Variants in SEMA5B observed in about 807,000 individuals in gnomAD.
SEMA5B encodes the protein semaphorin 5B.
In SEMA5B, 66 loss-of-function variants were observed where a neutral mutation model predicts 135.0. The observed-to-expected ratio is 0.49, with a 90% CI of 0.40 to 0.60. The LOEUF (loss-of-function observed/expected upper bound fraction) is 0.60, where lower values mean the gene tolerates loss of function less well. SEMA5B is among the 20% of genes least tolerant of loss of function. The pLI, the probability that SEMA5B is intolerant of heterozygous loss-of-function variation, is 0.00. For synonymous variants in SEMA5B, 690 were observed against 639.5 expected, an observed-to-expected ratio of 1.08 and a Z score of -1.19; for missense variants, 1,501 against 1,566.3, an observed-to-expected ratio of 0.96 and a Z score of 0.70.
chr3:122,947,905 T>G (rs934306656), intron 3 of SEMA5B, among the ~76,000 whole-genome samples: 12 of 152,128 alleles, frequency 7.9e-5, no homozygotes, highest in African/African-American at 4.8e-5. Context: ...TGTTTTGTTT[T>G]TTTTTAGCAA....
At chr3:123,002,512 C>A (rs539009547) in intron 1 of SEMA5B, among the ~76,000 whole-genome samples, 1 of 152,298 alleles carries the variant, frequency 6.6e-6, no homozygotes, top group East Asian at 1.9e-4. Context: ...CGAAAACAAC[C>A]CAATTTGAAG....
In SEMA5B at chr3:122,929,026, G is replaced by A. The variant is rs1938805866; in HGVS notation, c.507C>T (p.Arg169=). 6 of 1,612,368 alleles carry A rather than the reference G, an allele frequency of 3.7e-6. No individual in the cohort carries two copies. The highest frequency in any genetic ancestry group is 1.3e-5 in the African/African-American group (1 of 75,040). Reference sequence around the variant, plus strand: ...TCTTCCCTTTGCTTTGGCAGGAGCGGCGCGTGTCCTCACTGGAGGCCCACT... The same window carrying A: ...TCTTCCCTTTGCTTTGGCAGGAGCGACGCGTGTCCTCACTGGAGGCCCACT... ...ATEWASSEDT[R]RSCQSKGKTE... is the part of the protein sequence containing the mutation. Residue 169 remains arginine (R), a synonymous_variant, in exon 6 of 23, where the codon CGC becomes CGT. Transcript: ENST00000357599.
At chr3:122,999,569 T>C (rs1942120794) in intron 1 of SEMA5B, among the ~76,000 whole-genome samples, 1 of 151,610 alleles carries the variant, frequency 6.6e-6, no homozygotes, top group Admixed American at 6.6e-5. Context: ...GATAACGACA[T>C]CTGTACCTGA....
chr3:122,978,729 G>A (rs1941420813), intron 1 of SEMA5B, among the ~76,000 whole-genome samples: 1 of 152,096 alleles, frequency 6.6e-6, no homozygotes, highest in Admixed American at 6.5e-5. Context: ...TGTCAGAAGA[G>A]GCATTCATCC....
chr3:123,026,096 A>AGG (rs1292552517), intron 1 of SEMA5B, among the ~76,000 whole-genome samples: 5 of 152,170 alleles, frequency 3.3e-5, no homozygotes. Flanking sequence ...AGAGGCCCCG[A>AGG]GGCCGAAGTG....
intron 1 of SEMA5B, among the ~76,000 whole-genome samples, chr3:122,973,949 T>C (rs1576381232): frequency 6.6e-6 from 1 of 152,166 alleles, no homozygotes; most frequent in Admixed American, 6.5e-5. Flanking sequence ...TGCCTGAACT[T>C]CCAGAACATA....
chr3:122,943,210 G>A (rs1422038019), intron 4 of SEMA5B, among the ~76,000 whole-genome samples: 1 of 152,156 alleles, frequency 6.6e-6, no homozygotes, highest in Non-Finnish European at 1.5e-5. Flanking sequence ...CAACCACAGG[G>A]GCCTGCAGCT....
At chr3:122,935,648 G>A (rs1939227577) in intron 5 of SEMA5B, among the ~76,000 whole-genome samples, 4 of 140,104 alleles carry the variant, frequency 2.9e-5, no homozygotes, top group African/African-American at 7.8e-5. Context: ...TCTGCAAGCC[G>A]ACCTGCTCTA....
At chr3:122,999,164 G>C (rs1486507047) in intron 1 of SEMA5B, among the ~76,000 whole-genome samples, 2 of 152,164 alleles carry the variant, frequency 1.3e-5, no homozygotes, top group Non-Finnish European at 2.9e-5. Flanking sequence ...ATTTCCCAAA[G>C]CAGTAATTTA....
intron 1 of SEMA5B, among the ~76,000 whole-genome samples, chr3:122,974,557 G>C (rs533145420): frequency 6.6e-6 from 1 of 152,198 alleles, no homozygotes; most frequent in African/African-American, 2.4e-5. Context: ...GCAGGGACAC[G>C]TGCCTGAGGA....
intron 1 of SEMA5B, among the ~76,000 whole-genome samples, chr3:122,966,374 C>G (rs367574490): frequency 6.6e-6 from 1 of 152,088 alleles, no homozygotes; most frequent in South Asian, 2.1e-4. Flanking sequence ...AGAGCCCCTC[C>G]TAAAAAGAAT....
intron 10 of SEMA5B, 128 bp downstream of exon 10, chr3:122,923,489 G>T: frequency 1.9e-6 from 2 of 1,028,080 alleles, no homozygotes; most frequent in Non-Finnish European, 1.5e-6. Flanking sequence ...GGACCCCAGA[G>T]ATGGGCATGG....
intron 2 of SEMA5B, among the ~76,000 whole-genome samples, chr3:122,959,782 G>C (rs973835393): frequency 7.2e-5 from 11 of 152,214 alleles, no homozygotes; most frequent in Non-Finnish European, 1.6e-4. Flanking sequence ...AGCATGTTTG[G>C]TTCTTGCCTT....
chr3:123,002,336 T>C (rs562985191), intron 1 of SEMA5B, among the ~76,000 whole-genome samples: 1 of 152,332 alleles, frequency 6.6e-6, no homozygotes, highest in Non-Finnish European at 1.5e-5. Flanking sequence ...GGAGAACCCA[T>C]GCATTCCCTC....
At position 122,943,546 on chromosome 3, in the gene SEMA5B, G is replaced by C. The variant is rs762717460; in HGVS notation, c.329-11C>G. ...CCCACGGCTGCAGGTCTGGTGGAGGGAGAGGCAACCCTGTGGTTACTGTTG... is the reference window on the plus strand; with the variant it reads ...CCCACGGCTGCAGGTCTGGTGGAGGCAGAGGCAACCCTGTGGTTACTGTTG... On this transcript the variant is annotated splice_polypyrimidine_tract_variant and intron_variant, in intron 3 of 22. Transcript: ENST00000357599. 3 of 1,585,786 alleles carry C rather than the reference G, an allele frequency of 1.9e-6. No individual in the cohort carries two copies. In the East Asian group the frequency reaches 6.8e-5, roughly 36 times the overall value.
At chr3:123,014,075 C>G (rs887308788) in intron 1 of SEMA5B, among the ~76,000 whole-genome samples, 1 of 152,224 alleles carries the variant, frequency 6.6e-6, no homozygotes, top group Admixed American at 6.5e-5. Context: ...ATCTAGGGAA[C>G]AGGGAACATG....
At chr3:122,978,379 G>A (rs970232801) in intron 1 of SEMA5B, among the ~76,000 whole-genome samples, 1 of 152,344 alleles carries the variant, frequency 6.6e-6, no homozygotes, top group East Asian at 1.9e-4. Context: ...AGGCTGGGGA[G>A]GCGGGGCGTA....
chr3:122,912,787 G>A, intron 18 of SEMA5B, 56 bp downstream of exon 18: 1 of 1,459,826 alleles, frequency 6.9e-7, no homozygotes, highest in South Asian at 1.3e-5. Flanking sequence ...CGGGGAAGGG[G>A]GCCTCCAGGA....
intron 1 of SEMA5B, among the ~76,000 whole-genome samples, chr3:122,982,352 G>A (rs1217565591): frequency 6.6e-6 from 1 of 152,138 alleles, no homozygotes; most frequent in East Asian, 1.9e-4. Flanking sequence ...AAATAAGATT[G>A]GCTCTAGCCT....
Sources: allele counts gnomAD v4.1 joint callset (sites outside exome capture counted in the v4.1 genomes callset), GRCh38; gene constraint gnomAD v4.1.1; transcripts MANE v1.5; gene names NCBI Gene and HGNC (gene_info 2026-07-23, HGNC 2026-07-21).